TFEC: variants seen among roughly 807,000 people sequenced by gnomAD.
The protein encoded by TFEC is transcription factor EC, also known as class E basic helix-loop-helix protein 34.
A neutral mutation model predicts 41.6 loss-of-function variants in TFEC; 31 were observed. The ratio of observed to expected loss-of-function variants is 0.74; its 90% CI spans 0.56 to 1.01. The LOEUF (loss-of-function observed/expected upper bound fraction) is 1.01, where lower values mean the gene tolerates loss of function less well. Among genes scored for constraint, TFEC ranks in the 50% least tolerant of loss-of-function variants. The probability of loss-of-function intolerance (pLI) is 0.00; values close to 1 mark genes in which losing one functional copy is unlikely to be tolerated. For missense variants in TFEC, 402 were observed against 404.1 expected (o/e 0.99, Z 0.04); for synonymous variants, 143 against 140.6 (o/e 1.02, Z -0.12).
At chr7:116,070,427 C>A (rs942629464) in intron 3 of TFEC, among the ~76,000 whole-genome samples, 1 of 151,290 alleles carries the variant, frequency 6.6e-6, no homozygotes, top group Admixed American at 6.6e-5. Context: ...TTATAAGCAA[C>A]GACTGAACCA....
intron 3 of TFEC, chr7:115,968,118 T>G: frequency 6.9e-7 from 1 of 1,447,314 alleles, no homozygotes; most frequent in Non-Finnish European, 9.1e-7. Context: ...TTTATAAAGT[T>G]TAAATTCAGT....
At position 115,936,154 on chromosome 7, in the gene TFEC, C is replaced by T. The variant is rs2130110246; in HGVS notation, c.*4397G>A. 6.6e-6 allele frequency: 1 copy of T among 151,620 alleles called. No homozygotes were observed. The highest frequency in any genetic ancestry group is 2.1e-4 in the South Asian group (1 of 4,826). The allele number at this position is 151,620 out of a possible 1,614,324, so 9.4% of individuals were successfully genotyped here. On this transcript the variant is annotated 3_prime_UTR_variant, in exon 8 of 8. Transcript: ENST00000265440. ...TCATACAAACAATAAAACATTGGAA[C>T]ATCAATGCACAATGATTACAGGAGG...
At chr7:116,072,148 GC>G (rs1796844430) in intron 3 of TFEC, among the ~76,000 whole-genome samples, 1 of 151,382 alleles carries the variant, frequency 6.6e-6, no homozygotes, top group African/African-American at 2.4e-5. Flanking sequence ...TACACAGAAA[GC>G]TATGTTTACA....
chr7:116,113,983 C>T (rs1038539411), intron 1 of TFEC, among the ~76,000 whole-genome samples: 1 of 151,780 alleles, frequency 6.6e-6, no homozygotes, highest in Non-Finnish European at 1.5e-5. Context: ...TAGAGAAGTA[C>T]ATAGAATGGA....
At chr7:116,012,722 G>A (rs939743031) in intron 1 of TFEC, among the ~76,000 whole-genome samples, 1 of 148,246 alleles carries the variant, frequency 6.7e-6, no homozygotes. Flanking sequence ...AGCCTATTCA[G>A]ATATTAAAAA....
intron 3 of TFEC, among the ~76,000 whole-genome samples, chr7:116,051,220 A>G (rs1796303990): frequency 6.6e-6 from 1 of 152,238 alleles, no homozygotes; most frequent in Non-Finnish European, 1.5e-5. Context: ...CGAGTGCAGC[A>G]CACCAACATG....
intron 3 of TFEC, among the ~76,000 whole-genome samples, chr7:116,065,307 C>T (rs1420935156): frequency 1.3e-5 from 2 of 152,100 alleles, no homozygotes; most frequent in African/African-American, 2.4e-5. Context: ...GACTACAAGA[C>T]ACCTGAGAAA....
At chr7:116,052,973 G>A (rs973471561) in intron 3 of TFEC, among the ~76,000 whole-genome samples, 1 of 151,988 alleles carries the variant, frequency 6.6e-6, no homozygotes, top group African/African-American at 2.4e-5. Flanking sequence ...TCGGGAGGCT[G>A]AGGCAGGAGA....
chr7:116,035,532 G>T (rs573297059), upstream of TFEC, among the ~76,000 whole-genome samples: 14 of 151,854 alleles, frequency 9.2e-5, no homozygotes, highest in African/African-American at 1.4e-4. Flanking sequence ...TATTCCATTG[G>T]GTACATTTGT....
intron 3 of TFEC, among the ~76,000 whole-genome samples, chr7:115,966,913 A>G (rs1256411751): frequency 6.6e-6 from 1 of 151,800 alleles, no homozygotes; most frequent in East Asian, 1.9e-4. Flanking sequence ...CCCTAATAAC[A>G]TGGGGCTAAC....
At chr7:116,090,065 C>T (rs1797290190) in intron 3 of TFEC, among the ~76,000 whole-genome samples, 1 of 152,098 alleles carries the variant, frequency 6.6e-6, no homozygotes, top group South Asian at 2.1e-4. Context: ...AAAGGAAAAC[C>T]CTAACTTTCC....
intron 3 of TFEC, among the ~76,000 whole-genome samples, chr7:116,092,282 G>A (rs953793894): frequency 6.6e-6 from 1 of 152,202 alleles, no homozygotes; most frequent in Admixed American, 6.5e-5. Context: ...TGGTTCTTAT[G>A]CATCTATTAC....
chr7:115,938,818 T>G lies in TFEC; in HGVS notation c.*1733A>C, dbSNP rs903800910. On this transcript the variant is annotated 3_prime_UTR_variant, in exon 8 of 8. Coordinates refer to ENST00000265440, the MANE Select transcript of TFEC (RefSeq NM_012252.4). The stretch of plus-strand genomic sequence containing the variant: ...CTAAAAAGATTTGTTTCTATTATAT[T>G]AATACTATATTATTTCACCATAGTT... 6.6e-6 allele frequency: 1 copy of G among 151,960 alleles called. No individual in the cohort carries two copies. The highest frequency in any genetic ancestry group is 1.5e-5 in the Non-Finnish European group (1 of 67,918). 9.4% of individuals were successfully genotyped at this position (151,960 alleles called of 1,614,324 possible).
chr7:115,999,791 A>G (rs956006255), intron 1 of TFEC, among the ~76,000 whole-genome samples: 6 of 151,856 alleles, frequency 4.0e-5, no homozygotes, highest in Non-Finnish European at 7.4e-5. Context: ...GAAGAAATCC[A>G]AAATCTGAAC....
At chr7:115,961,595 C>T (rs1792556229) in intron 3 of TFEC, among the ~76,000 whole-genome samples, 1 of 151,370 alleles carries the variant, frequency 6.6e-6, no homozygotes, top group Admixed American at 6.6e-5. Context: ...AAGATAGATT[C>T]ATAAACCAAA....
intron 3 of TFEC, among the ~76,000 whole-genome samples, chr7:116,051,007 T>C (rs1160507144): frequency 6.6e-6 from 1 of 152,206 alleles, no homozygotes. Flanking sequence ...GGGACACGGA[T>C]GAAGCTGGAA....
chr7:116,037,553 C>T (rs1795939457), intron 3 of TFEC, among the ~76,000 whole-genome samples: 2 of 151,854 alleles, frequency 1.3e-5, no homozygotes, highest in Admixed American at 1.3e-4. Context: ...GATTTTATTA[C>T]CAGTTTGAGA....
intron 3 of TFEC, among the ~76,000 whole-genome samples, chr7:116,055,683 A>G (rs967582426): frequency 6.6e-6 from 1 of 152,044 alleles, no homozygotes; most frequent in African/African-American, 2.4e-5. Context: ...AATTTTATAT[A>G]TATCATCTCA....
intron 1 of TFEC, among the ~76,000 whole-genome samples, chr7:115,988,439 G>A (rs895514457): frequency 2.0e-5 from 3 of 152,036 alleles, no homozygotes; most frequent in Admixed American, 6.5e-5. Context: ...TGCTTTTGAT[G>A]AGTTTATTAA....
Sources: allele counts gnomAD v4.1 joint callset (sites outside exome capture counted in the v4.1 genomes callset), GRCh38; gene constraint gnomAD v4.1.1; transcripts MANE v1.5; gene names NCBI Gene and HGNC (gene_info 2026-07-23, HGNC 2026-07-21).